Variants in PCSK2 observed in about 807,000 individuals in gnomAD.
PCSK2 encodes proprotein convertase subtilisin/kexin type 2, also known as neuroendocrine convertase 2.
PCSK2 carries 14 observed loss-of-function variants against 69.7 expected under a neutral mutation model. The observed-to-expected ratio is 0.20, with a 90% CI of 0.13 to 0.31. PCSK2 has a LOEUF of 0.31. PCSK2 is among the 10% of genes least tolerant of loss of function. The pLI is 1.00. For missense variants in PCSK2, 544 were observed against 842.5 expected (o/e 0.65, Z 4.39); for synonymous variants, 307 against 320.7 (o/e 0.96, Z 0.46).
intron 6 of PCSK2, among the ~76,000 whole-genome samples, chr20:17,428,626 C>T (rs1048617892): frequency 6.6e-6 from 1 of 152,052 alleles, no homozygotes; most frequent in Non-Finnish European, 1.5e-5. Flanking sequence ...TTGTGCATTC[C>T]GCAGGCCATA....
At chr20:17,254,023 A>G (rs1987088181) in intron 1 of PCSK2, among the ~76,000 whole-genome samples, 2 of 152,194 alleles carry the variant, frequency 1.3e-5, no homozygotes, top group South Asian at 4.1e-4. Flanking sequence ...TTCTTTGAAG[A>G]AATGATTCCT....
At chr20:17,259,611 C>T (rs1987302968) in intron 1 of PCSK2, among the ~76,000 whole-genome samples, 1 of 152,178 alleles carries the variant, frequency 6.6e-6, no homozygotes, top group African/African-American at 2.4e-5. Context: ...CAAAGACAAC[C>T]TCTCATTACT....
At chr20:17,271,507 A>G (rs1314177644) in intron 2 of PCSK2, among the ~76,000 whole-genome samples, 1 of 152,118 alleles carries the variant, frequency 6.6e-6, no homozygotes, top group East Asian at 1.9e-4. Context: ...CCATGCAAAT[A>G]AATTACAAAT....
intron 2 of PCSK2, among the ~76,000 whole-genome samples, chr20:17,277,672 G>A (rs77712678): frequency 0.15 from 19,524 of 132,518 alleles, 1,463 homozygotes; most frequent in Middle Eastern, 0.23. Context: ...AGGACTTCAT[G>A]TCTAAAACAC....
chr20:17,335,168 C>T (rs368128184), intron 2 of PCSK2, among the ~76,000 whole-genome samples: 7 of 147,724 alleles, frequency 4.7e-5, no homozygotes, highest in African/African-American at 1.7e-4. Context: ...ATGCCATATA[C>T]TTGCAGTCAG....
intron 5 of PCSK2, among the ~76,000 whole-genome samples, chr20:17,401,499 C>A (rs955614947): frequency 6.6e-6 from 1 of 152,196 alleles, no homozygotes; most frequent in Admixed American, 6.5e-5. Context: ...CCTCTTAATA[C>A]AAACACACAG....
intron 4 of PCSK2, among the ~76,000 whole-genome samples, chr20:17,365,600 T>C (rs1468605027): frequency 1.3e-5 from 2 of 152,108 alleles, no homozygotes; most frequent in Non-Finnish European, 2.9e-5. Context: ...TGGGTGAAAC[T>C]CAAGGTACGA....
intron 4 of PCSK2, among the ~76,000 whole-genome samples, chr20:17,364,711 G>C (rs1425980947): frequency 6.6e-6 from 1 of 151,984 alleles, no homozygotes; most frequent in Non-Finnish European, 1.5e-5. Flanking sequence ...TTAGCAGCTT[G>C]AAGTTGCTAT....
intron 8 of PCSK2, among the ~76,000 whole-genome samples, chr20:17,438,755 C>T (rs2032536809): frequency 1.3e-5 from 2 of 152,212 alleles, no homozygotes; most frequent in Admixed American, 1.3e-4. Flanking sequence ...CCCCCCACAC[C>T]CAGGGCACAG....
At chr20:17,240,310 A>G (rs1265852351) in intron 1 of PCSK2, among the ~76,000 whole-genome samples, 1 of 152,084 alleles carries the variant, frequency 6.6e-6, no homozygotes, top group Admixed American at 6.5e-5. Flanking sequence ...ATTTCCTACT[A>G]CAGGCCCCTC....
At chr20:17,255,066 G>T (rs1987125515) in intron 1 of PCSK2, among the ~76,000 whole-genome samples, 1 of 152,040 alleles carries the variant, frequency 6.6e-6, no homozygotes, top group South Asian at 2.1e-4. Flanking sequence ...TAATTTTTCT[G>T]GATTCATTAT....
At chr20:17,343,864 C>T (rs192896375) in intron 2 of PCSK2, among the ~76,000 whole-genome samples, 146 of 152,332 alleles carry the variant, frequency 9.6e-4, no homozygotes, top group African/African-American at 3.4e-3. Context: ...TCCCTGCCCC[C>T]TACAAGAGCC....
chr20:17,273,128 A>G (rs919489155), intron 2 of PCSK2, among the ~76,000 whole-genome samples: 1 of 152,144 alleles, frequency 6.6e-6, no homozygotes, highest in African/African-American at 2.4e-5. Flanking sequence ...CCAAATTTTT[A>G]TAAAACTTAA....
intron 4 of PCSK2, among the ~76,000 whole-genome samples, chr20:17,367,139 T>C (rs1168941022): frequency 6.6e-6 from 1 of 151,954 alleles, no homozygotes; most frequent in Non-Finnish European, 1.5e-5. Context: ...TATTTAGGTA[T>C]AAATTATCAA....
chr20:17,299,983 T>C (rs1989023306), intron 2 of PCSK2, among the ~76,000 whole-genome samples: 1 of 152,232 alleles, frequency 6.6e-6, no homozygotes, highest in Non-Finnish European at 1.5e-5. Context: ...CTGTTTTTCC[T>C]CGCAGAGACA....
intron 2 of PCSK2, among the ~76,000 whole-genome samples, chr20:17,326,928 A>G (rs764999136): frequency 3.3e-5 from 5 of 152,158 alleles, no homozygotes; most frequent in Non-Finnish European, 7.4e-5. Flanking sequence ...CTCAGTCCCT[A>G]TGCAGCCTCC....
chr20:17,228,173 GA>G (rs1986004122), intron 1 of PCSK2: 1 of 152,274 alleles, frequency 6.6e-6, no homozygotes, highest in African/African-American at 2.4e-5. Flanking sequence ...GGTGGATTTT[GA>G]GGGGGATTCC....
chr20:17,414,146 T>G (rs1311042077), intron 6 of PCSK2, among the ~76,000 whole-genome samples: 1 of 151,980 alleles, frequency 6.6e-6, no homozygotes, highest in Non-Finnish European at 1.5e-5. Context: ...AGTGAACAAA[T>G]TCAAAAGCTA....
In PCSK2 at chr20:17,267,500, C is replaced by G. The variant is rs543454176; in HGVS notation, c.282+7156C>G. Among the ~76,000 whole-genome samples, 5 of 152,304 alleles carry G rather than the reference C, an allele frequency of 3.3e-5. No individual in the cohort carries two copies. The South Asian group carries it at 1.0e-3, about 32-fold the overall frequency. ...GTGGCAGGGAGGACTTTCAGCATCT[C>G]CTCTGGGCATTGCAGATATGCCTGG... is the stretch of plus-strand genomic sequence containing the variant. On this transcript the variant is annotated intron_variant, in intron 2 of 11. Transcript: ENST00000262545.
Sources: allele counts gnomAD v4.1 joint callset (sites outside exome capture counted in the v4.1 genomes callset), GRCh38; gene constraint gnomAD v4.1.1; transcripts MANE v1.5; gene names NCBI Gene and HGNC (gene_info 2026-07-23, HGNC 2026-07-21).